Variants in B4GALT2 observed in about 807,000 individuals in gnomAD.
B4GALT2 encodes the protein N-acetyllactosamine synthase.
Under a neutral mutation model 33.2 loss-of-function variants are expected in B4GALT2, and 18 were observed. That is an observed-to-expected ratio of 0.54 (90% CI 0.38 to 0.80). The LOEUF (loss-of-function observed/expected upper bound fraction) is 0.80, where lower values mean the gene tolerates loss of function less well. Ranked by LOEUF, B4GALT2 falls within the 30% of genes least tolerant of loss-of-function variation. B4GALT2 has a pLI of 0.00. For missense variants in B4GALT2, 404 were observed against 526.2 expected (o/e 0.77, Z 2.27); for synonymous variants, 214 against 217.6 (o/e 0.98, Z 0.15).
Position 43,990,470 on chromosome 1 carries a change from G to T in B4GALT2, c.*22G>T, listed in dbSNP as rs745652861. ...CTGACACTAATGGACAGAGGCTCTC[G>T]GTGCCGAAGATTGCCTGCCAGAGGA... On this transcript the variant is annotated 3_prime_UTR_variant, in exon 7 of 7. Transcript: ENST00000372324. The T allele has an allele frequency of 5.0e-6, 8 of 1,613,680 alleles. No individual in the cohort carries two copies. Among genetic ancestry groups the T allele is most frequent in the Non-Finnish European group, 5.9e-6 (7 of 1,179,928 alleles).
intron 6 of B4GALT2, 85 bp from the exon 7 acceptor site, chr1:43,990,213 T>G: frequency 6.5e-7 from 1 of 1,540,198 alleles, no homozygotes; most frequent in Non-Finnish European, 8.9e-7. Context: ...CAAAAGGGGG[T>G]CCATTTAGTT....
intron 6 of B4GALT2, chr1:43,985,829 C>T (rs2085653199): frequency 1.7e-6 from 1 of 602,252 alleles, no homozygotes; most frequent in Non-Finnish European, 3.0e-6. Flanking sequence ...TGTCCCCCAA[C>T]CCCCAGCCCA....
rs2085722921 is a variant in B4GALT2, at chr1:43,990,731, C to G, written c.*283C>G. ...AGTCACTGTCAGGGTCGGGCCAGCC[C>G]CTGCACTGCCTCGCAGAGTGGCCTG... is the stretch of plus-strand genomic sequence containing the variant. On this transcript the variant is annotated 3_prime_UTR_variant, in exon 7 of 7. Transcript: ENST00000372324. 1 of 465,668 alleles carries G rather than the reference C, an allele frequency of 2.1e-6. No homozygotes were observed. The highest frequency in any genetic ancestry group is 2.3e-5 in the South Asian group (1 of 44,424). The allele number at this position is 465,668 out of a possible 1,614,324, so 28.8% of individuals were successfully genotyped here.
chr1:43,979,801 G>A lies in B4GALT2; in HGVS notation c.-53+290G>A. ...CCCCTTGGCCTTTGCCTCATCCGCT[G>A]CCCTCCACCCACTCCCCCTGCCCCC... On this transcript the variant is annotated intron_variant, in intron 1 of 6. Coordinates refer to ENST00000372324, the MANE Select transcript of B4GALT2 (RefSeq NM_003780.5). The surrounding 1 kb of genome is among the most constrained non-coding windows in gnomAD (Gnocchi z 4.8). The A allele has an allele frequency of 1.8e-6, 1 of 550,778 alleles. No individual in the cohort carries two copies. Among genetic ancestry groups the A allele is most frequent in the Non-Finnish European group, 3.2e-6 (1 of 310,348 alleles). 34.1% of individuals were successfully genotyped at this position (550,778 alleles called of 1,614,324 possible).
At chr1:43,990,185 C>T in intron 6 of B4GALT2, 113 bp from the exon 7 acceptor site, 2 of 1,358,586 alleles carry the variant, frequency 1.5e-6, no homozygotes, top group Admixed American at 2.0e-5. Flanking sequence ...TTTTAAGGTT[C>T]CCTGGGGTCC....
At position 43,981,647 on chromosome 1, in the gene B4GALT2, T is replaced by C. The variant is rs2085598174; in HGVS notation, c.314-42T>C. On this transcript the variant is annotated intron_variant, in intron 2 of 6. Transcript: ENST00000372324. This position sits in a 1 kb window ranked among gnomAD's most constrained non-coding sequence, Gnocchi z 8.1. ...GAGGGTGGGGGCTGGTATCTGTGGA[T>C]TCTGGCCAATGCCCTGATTCCTGAC... 3.8e-6 allele frequency: 6 copies of C among 1,569,332 alleles called. No individual in the cohort carries two copies. The highest frequency in any genetic ancestry group is 5.2e-6 in the Non-Finnish European group (6 of 1,153,752).
At position 43,982,379 on chromosome 1, in the gene B4GALT2, C is replaced by G. The variant is rs930019161; in HGVS notation, c.549+455C>G. Among the ~76,000 whole-genome samples, 10 of 152,118 alleles carry G rather than the reference C, an allele frequency of 6.6e-5. No homozygotes were observed. The highest frequency in any genetic ancestry group is 2.2e-4 in the African/African-American group (9 of 41,418). ...TAGGTCCCAGAAGGGACCTCTGATG[C>G]AGGCCCCCCCGCCCCCGCCGACCAC... is the stretch of plus-strand genomic sequence containing the variant. On this transcript the variant is annotated intron_variant, in intron 3 of 6. Transcript: ENST00000372324. The surrounding 1 kb of genome is among the most constrained non-coding windows in gnomAD (Gnocchi z 4.3).
At position 43,979,884 on chromosome 1, in the gene B4GALT2, G is replaced by A. The variant is rs1487270858; in HGVS notation, c.-53+373G>A. 1 of 1,098,308 alleles carries A rather than the reference G, an allele frequency of 9.1e-7. No homozygotes were observed. Among genetic ancestry groups the A allele is most frequent in the Non-Finnish European group, 1.3e-6 (1 of 776,438 alleles). The allele number at this position is 1,098,308 out of a possible 1,614,324, so 68.0% of individuals were successfully genotyped here. On this transcript the variant is annotated intron_variant, in intron 1 of 6. Transcript: ENST00000372324. The surrounding 1 kb of genome is among the most constrained non-coding windows in gnomAD (Gnocchi z 4.8). The stretch of plus-strand genomic sequence containing the variant: ...CCCGTCCGCGGGTGCCACGTGTTCA[G>A]CCTGCCAGCCCCGCCCAAACGCACC...
At chr1:43,987,980 AC>A (rs1300091643) in intron 6 of B4GALT2, among the ~76,000 whole-genome samples, 1 of 152,054 alleles carries the variant, frequency 6.6e-6, no homozygotes, top group African/African-American at 2.4e-5. Context: ...TTTCTCTGTT[AC>A]CTGCCTCCCC....
At position 43,981,497 on chromosome 1, in the gene B4GALT2, C is replaced by T; in HGVS notation, c.313+24C>T. The T allele has an allele frequency of 6.5e-7, 1 of 1,548,734 alleles. No homozygotes were observed. The highest frequency in any genetic ancestry group is 8.7e-7 in the Non-Finnish European group (1 of 1,151,842). On this transcript the variant is annotated intron_variant, in intron 2 of 6. Transcript: ENST00000372324. This position sits in a 1 kb window ranked among gnomAD's most constrained non-coding sequence, Gnocchi z 8.1. ...TGGTGAGCCTGGAGGGTAGGGCCTG[C>T]CTGTGGGGAAACAGGGTTTTATTGG...
chr1:43,981,576 G>A lies in B4GALT2; in HGVS notation c.313+103G>A. The A allele has an allele frequency of 1.3e-6, 2 of 1,528,440 alleles. No homozygotes were observed. Among genetic ancestry groups the A allele is most frequent in the Non-Finnish European group, 1.8e-6 (2 of 1,136,754 alleles). The allele number at this position is 1,528,440 out of a possible 1,614,324, so 94.7% of individuals were successfully genotyped here. ...AGGGGTGTGCCAGGGGTCCAGGTCT[G>A]TTGTAAGAGGGCTATTCTTGGGGTT... is the stretch of plus-strand genomic sequence containing the variant. On this transcript the variant is annotated intron_variant, in intron 2 of 6. Coordinates refer to ENST00000372324, the MANE Select transcript of B4GALT2 (RefSeq NM_003780.5). This position sits in a 1 kb window ranked among gnomAD's most constrained non-coding sequence, Gnocchi z 8.1.
At chr1:43,980,145 C>T (rs2085578774) in intron 1 of B4GALT2, 2 of 1,284,572 alleles carry the variant, frequency 1.6e-6, no homozygotes, top group Non-Finnish European at 2.0e-6. Context: ...ACCAGGGTGT[C>T]CCTGTGATTC....
chr1:43,984,113 C>T lies in B4GALT2; in HGVS notation c.550-752C>T, dbSNP rs1033355536. The stretch of plus-strand genomic sequence containing the variant: ...GCTTAGGCCTACATGGCCAGGACCC[C>T]TGCAGCCCCAATTCTCAGGGGACCC... On this transcript the variant is annotated intron_variant, in intron 3 of 6. Transcript: ENST00000372324. This position sits in a 1 kb window ranked among gnomAD's most constrained non-coding sequence, Gnocchi z 5.6. 6.6e-6 allele frequency among the ~76,000 whole-genome samples: 1 copy of T among 152,244 alleles called. No homozygotes were observed. Among genetic ancestry groups the T allele is most frequent in the Non-Finnish European group, 1.5e-5 (1 of 68,040 alleles).
rs374406666 is a variant in B4GALT2, at chr1:43,982,514, G to A, written c.549+590G>A. ...GGGCCCCAGTCCAGCCCTGGGGTTG[G>A]GAAGCAGTTGCTGAGATGGGTCTTG... On this transcript the variant is annotated intron_variant, in intron 3 of 6. Coordinates refer to ENST00000372324, the MANE Select transcript of B4GALT2 (RefSeq NM_003780.5). The surrounding 1 kb of genome is among the most constrained non-coding windows in gnomAD (Gnocchi z 4.3). Among the ~76,000 whole-genome samples the A allele has an allele frequency of 4.6e-5, 7 of 152,326 alleles. No individual in the cohort carries two copies. Among genetic ancestry groups the A allele is most frequent in the African/African-American group, 1.7e-4 (7 of 41,574 alleles).
intron 6 of B4GALT2, among the ~76,000 whole-genome samples, chr1:43,988,393 C>T (rs1571809421): frequency 6.6e-6 from 1 of 150,444 alleles, no homozygotes; most frequent in African/African-American, 2.4e-5. Flanking sequence ...CACGGTGGCT[C>T]ATGCCTGTAA....
chr1:43,987,789 G>T (rs777927613), intron 6 of B4GALT2, among the ~76,000 whole-genome samples: 3 of 152,144 alleles, frequency 2.0e-5, no homozygotes, highest in African/African-American at 7.2e-5. Flanking sequence ...CGGTGTACTT[G>T]AACCTCCAAG....
Position 43,981,320 on chromosome 1 carries a change from C to G in B4GALT2, c.160C>G (p.Leu54Val), listed in dbSNP as rs1373183432. The G allele has an allele frequency of 2.2e-5, 35 of 1,602,858 alleles. No individual in the cohort carries two copies. Among genetic ancestry groups the G allele is most frequent in the Non-Finnish European group, 2.7e-5 (32 of 1,179,866 alleles). ...RFSARGPAHA[L>V]HPAASSSSSS... is the part of the protein sequence containing the mutation. ...CAGTGCCCGAGGCCCTGCCCATGCC[C>G]TCCACCCAGCTGCTAGCAGCAGCAG... is the stretch of plus-strand genomic sequence containing the variant. Residue 54 changes from leucine (L) to valine (V), a missense_variant, in exon 2 of 7, where the codon CTC (leucine) becomes GTC (valine). By Grantham distance (32) the Leu-to-Val change is conservative (BLOSUM62 1). Coordinates refer to ENST00000372324, the MANE Select transcript of B4GALT2 (RefSeq NM_003780.5). The surrounding 1 kb of genome is among the most constrained non-coding windows in gnomAD (Gnocchi z 8.1).
In B4GALT2 at chr1:43,981,009, G is replaced by T; in HGVS notation, c.-52-100G>T. 2 of 1,406,990 alleles carry T rather than the reference G, an allele frequency of 1.4e-6. No individual in the cohort carries two copies. Among genetic ancestry groups the T allele is most frequent in the Non-Finnish European group, 9.4e-7 (1 of 1,066,158 alleles). 87.2% of individuals were successfully genotyped at this position (1,406,990 alleles called of 1,614,324 possible). ...AAGGGTATGAGCAGGTCAGTGTGAG[G>T]TGTGGCCCACGAGTGTGAGCAGCTG... is the stretch of plus-strand genomic sequence containing the variant. On this transcript the variant is annotated intron_variant, in intron 1 of 6. Coordinates refer to ENST00000372324, the MANE Select transcript of B4GALT2 (RefSeq NM_003780.5). The surrounding 1 kb of genome is among the most constrained non-coding windows in gnomAD (Gnocchi z 8.1).
At position 43,981,874 on chromosome 1, in the gene B4GALT2, C is replaced by A; in HGVS notation, c.499C>A (p.Pro167Thr). The change falls in exon 3 of 7, where the codon CCC becomes ACC. Residue 167 changes from proline (P) to threonine (T), a missense_variant. Physicochemically the swap from Pro to Thr is conservative, Grantham distance 38 (BLOSUM62 -1). Coordinates refer to ENST00000372324, the MANE Select transcript of B4GALT2 (RefSeq NM_003780.5). The surrounding 1 kb of genome is among the most constrained non-coding windows in gnomAD (Gnocchi z 8.1). ...GCGCTACTGGCTCCACTATCTACAC[C>A]CCATCTTGAGGCGGCAGCGGCTGCG... The part of the protein sequence containing the change: ...HLRYWLHYLH[P>T]ILRRQRLRYG... 1.2e-6 allele frequency: 2 copies of A among 1,614,004 alleles called. No homozygotes were observed. Among genetic ancestry groups the A allele is most frequent in the Non-Finnish European group, 1.7e-6 (2 of 1,180,018 alleles).
Sources: allele counts gnomAD v4.1 joint callset (sites outside exome capture counted in the v4.1 genomes callset), GRCh38; gene constraint gnomAD v4.1.1; non-coding constraint Gnocchi (gnomAD v3.1); transcripts MANE v1.5; gene names NCBI Gene and HGNC (gene_info 2026-07-23, HGNC 2026-07-21).